Variants in MACF1 observed in about 807,000 individuals in gnomAD.
The protein encoded by MACF1 is microtubule actin crosslinking factor 1.
MACF1 carries 193 observed loss-of-function variants against 854.8 expected under a neutral mutation model. The ratio of observed to expected loss-of-function variants is 0.23; its 90% confidence interval spans 0.20 to 0.25. The LOEUF is 0.25. Ranked by LOEUF, MACF1 falls within the 10% of genes least tolerant of loss-of-function variation. MACF1 has a pLI of 1.00. For synonymous variants in MACF1, 3,185 were observed against 3,226.7 expected (o/e 0.99, Z 0.44); for missense variants, 7,722 against 8,929.1 (o/e 0.86, Z 5.45).
chr1:39,405,410 TC>T (rs778540994), intron 58 of MACF1, among the ~76,000 whole-genome samples: 74 of 152,222 alleles, frequency 4.9e-4, no homozygotes, highest in Non-Finnish European at 8.5e-4. Flanking sequence ...GAATTAGTCT[TC>T]CAAGAGAGAG....
intron 43 of MACF1, 33 bp from the exon 44 acceptor site, chr1:39,352,974 G>A: frequency 6.6e-7 from 1 of 1,519,728 alleles, no homozygotes; most frequent in Non-Finnish European, 9.1e-7. Flanking sequence ...AGTATGTAAA[G>A]CCTTCTCACT....
rs1397724980 is a variant in MACF1, at chr1:39,179,171, A to G, written c.221-52011A>G. Among the ~76,000 whole-genome samples the G allele has an allele frequency of 2.6e-5, 4 of 151,780 alleles. 1 individual carries two copies. The highest frequency in any genetic ancestry group is 2.6e-4 in the Admixed American group (4 of 15,216). The stretch of plus-strand genomic sequence containing the variant: ...AATTTCATTTTTAGCTGCAAGGTGA[A>G]CTCCCCCACACACTTATTTTCTGAT... On this transcript the variant is annotated intron_variant, in intron 2 of 93. Transcript: ENST00000361689.
At chr1:39,156,657 A>G (rs756466378) in intron 2 of MACF1, among the ~76,000 whole-genome samples, 1 of 152,140 alleles carries the variant, frequency 6.6e-6, no homozygotes, top group African/African-American at 2.4e-5. Context: ...CCTGCCTCAT[A>G]TAACTAGTTA....
At position 39,458,348 on chromosome 1, in the gene MACF1, TC is replaced by T. The variant is rs773246860; in HGVS notation, c.21076-20del. ...TAAAAATACAATATTTAACTCTTTT[TC>T]CTATTTTTTGTGTTTAACAGACATT... On this transcript the variant is annotated intron_variant, in intron 89 of 100. Coordinates refer to ENST00000564288, the MANE Select transcript of MACF1 (RefSeq NM_001394062.1). 3.1e-6 allele frequency: 5 copies of T among 1,610,518 alleles called. No homozygotes were observed. In the African/African-American group the frequency reaches 6.7e-5, roughly 22 times the overall value.
At chr1:39,248,766 C>T (rs757160817) in intron 2 of MACF1, among the ~76,000 whole-genome samples, 3 of 151,932 alleles carry the variant, frequency 2.0e-5, no homozygotes, top group Admixed American at 1.3e-4. Flanking sequence ...CTTGTTCTGT[C>T]GCCTATGCTG....
chr1:39,200,433 TCA>T (rs974809861), upstream of MACF1, among the ~76,000 whole-genome samples: 42 of 152,144 alleles, frequency 2.8e-4, no homozygotes, highest in African/African-American at 9.9e-4. Context: ...GCACAGTGGC[TCA>T]CACCTGTAAT....
At chr1:39,321,860 AAGG>A (rs1646521630) in intron 31 of MACF1, among the ~76,000 whole-genome samples, 1 of 152,216 alleles carries the variant, frequency 6.6e-6, no homozygotes, top group South Asian at 2.1e-4. Context: ...AAAGCTTTTT[AAGG>A]AGAAGAGTGA....
intron 2 of MACF1, among the ~76,000 whole-genome samples, chr1:39,122,340 T>C (rs1016736523): frequency 6.6e-6 from 1 of 151,504 alleles, no homozygotes; most frequent in Non-Finnish European, 1.5e-5. Context: ...CTACAACCTC[T>C]GCCTCCTGGA....
Position 39,453,701 on chromosome 1 carries a change from G to A in MACF1, c.20743-6G>A, listed in dbSNP as rs760900351. On this transcript the variant is annotated splice_polypyrimidine_tract_variant and splice_region_variant and intron_variant, in intron 87 of 100. Coordinates refer to ENST00000564288, the MANE Select transcript of MACF1 (RefSeq NM_001394062.1). ...ACGTTTTTGTTTTCAAATCTTTTTT[G>A]TTTAGGAATTCATGAAGAAAGTAGA... 1.2e-6 allele frequency: 2 copies of A among 1,612,914 alleles called. No homozygotes were observed. The highest frequency in any genetic ancestry group is 1.6e-4 in the Middle Eastern group (1 of 6,066).
At chr1:39,483,585 G>A (rs1259473609) in intron 99 of MACF1, among the ~76,000 whole-genome samples, 1 of 152,180 alleles carries the variant, frequency 6.6e-6, no homozygotes, top group Non-Finnish European at 1.5e-5. Context: ...GATGAGGAGT[G>A]TGGTAGAAAT....
At chr1:39,186,214 C>CTCTCTG (rs1430618940) in intron 2 of MACF1, among the ~76,000 whole-genome samples, 8 of 57,944 alleles carry the variant, frequency 1.4e-4, no homozygotes, top group Non-Finnish European at 2.4e-4. Flanking sequence ...CTCTCTCTCT[C>CTCTCTG]TGTGTGTGTG....
intron 6 of MACF1, among the ~76,000 whole-genome samples, chr1:39,279,669 C>T (rs1271690524): frequency 6.6e-6 from 1 of 152,050 alleles, no homozygotes; most frequent in Non-Finnish European, 1.5e-5. Context: ...ATACATGTAC[C>T]CTCGGCACTA....
Position 39,292,148 on chromosome 1 carries a change from T to C in MACF1, c.1914+110T>C, listed in dbSNP as rs531511613. 44 of 1,284,146 alleles carry C rather than the reference T, an allele frequency of 3.4e-5. No homozygotes were observed. In the African/African-American group the frequency reaches 5.3e-4, roughly 15 times the overall value. 79.5% of individuals were successfully genotyped at this position (1,284,146 alleles called of 1,614,324 possible). ...AGGAGGAGGGTGCTCTGGAAAAGAA[T>C]AATGATGATGAAGAGCGGTTTATGA... On this transcript the variant is annotated intron_variant, in intron 16 of 100. Coordinates refer to ENST00000564288, the MANE Select transcript of MACF1 (RefSeq NM_001394062.1).
Position 39,278,431 on chromosome 1 carries a change from T to G in MACF1, c.529-3777T>G, listed in dbSNP as rs1482161303. Among the ~76,000 whole-genome samples, 4 of 152,244 alleles carry G rather than the reference T, an allele frequency of 2.6e-5. No individual in the cohort carries two copies. In the East Asian group the frequency reaches 7.7e-4, roughly 29 times the overall value. On this transcript the variant is annotated intron_variant, in intron 6 of 100. Coordinates refer to ENST00000564288, the MANE Select transcript of MACF1 (RefSeq NM_001394062.1). ...CTATGTTTAAAATCTGAAGTAAAGC[T>G]GTTCATTGAAGTAGTTTTAGTGCAA... is the stretch of plus-strand genomic sequence containing the variant.
chr1:39,158,235 T>C (rs1165190922), intron 2 of MACF1, among the ~76,000 whole-genome samples: 1 of 152,142 alleles, frequency 6.6e-6, no homozygotes, highest in East Asian at 1.9e-4. Context: ...GTGGGTGATA[T>C]CTGGGCTGCA....
intron 2 of MACF1, among the ~76,000 whole-genome samples, chr1:39,094,766 C>A (rs1369604175): frequency 6.6e-6 from 1 of 151,556 alleles, no homozygotes; most frequent in African/African-American, 2.4e-5. Context: ...GTGGTATGCG[C>A]CTGTAATACC....
At chr1:39,102,388 G>T (rs924516714) in intron 2 of MACF1, among the ~76,000 whole-genome samples, 3 of 149,118 alleles carry the variant, frequency 2.0e-5, no homozygotes, top group African/African-American at 7.4e-5. Flanking sequence ...AACTTCAAGT[G>T]TGATGAGTAT....
intron 25 of MACF1, 58 bp downstream of exon 25, chr1:39,310,486 G>T (rs1333645010): frequency 2.6e-6 from 4 of 1,513,964 alleles, no homozygotes; most frequent in Non-Finnish European, 3.6e-6. Context: ...TCAAGGGGTT[G>T]CTGTGAAACC....
intron 97 of MACF1, among the ~76,000 whole-genome samples, chr1:39,478,384 T>G (rs1644950951): frequency 6.6e-6 from 1 of 152,122 alleles, no homozygotes; most frequent in African/African-American, 2.4e-5. Context: ...CAGGGACCAT[T>G]AAGTCATAGA....
Sources: allele counts gnomAD v4.1 joint callset (sites outside exome capture counted in the v4.1 genomes callset), GRCh38; gene constraint gnomAD v4.1.1; transcripts MANE v1.5; gene names NCBI Gene and HGNC (gene_info 2026-07-23, HGNC 2026-07-21).